Variants in ZNF608 observed in about 807,000 individuals in gnomAD.
ZNF608 encodes the protein zinc finger protein 608, also known as renal carcinoma antigen NY-REN-36.
In ZNF608, 12 loss-of-function variants were observed where a neutral mutation model predicts 109.0. That is an observed-to-expected ratio of 0.11 (90% confidence interval 0.07 to 0.18). The LOEUF (loss-of-function observed/expected upper bound fraction) is 0.18, where lower values mean the gene tolerates loss of function less well. ZNF608 is among the 10% of genes least tolerant of loss of function. The probability of loss-of-function intolerance (pLI) is 1.00; values close to 1 mark genes in which losing one functional copy is unlikely to be tolerated. For synonymous variants in ZNF608, 732 were observed against 717.4 expected (o/e 1.02, Z -0.33); for missense variants, 1,707 against 1,879.3 (o/e 0.91, Z 1.70).
chr5:124,639,199 G>T lies in ZNF608; in HGVS notation c.4466C>A (p.Ala1489Asp). ...YDPFQGLTSA[A>D]LVASQQVAAQ... ...AGCCACCTGCTGAGAGGCAACAAGG[G>T]CAGCAGAGGTCAAGCCTAATGGGGA... Residue 1489 changes from alanine to aspartate, a missense_variant, in exon 9 of 10, where the codon GCC (alanine) becomes GAC (aspartate). By Grantham distance (126) the Ala-to-Asp change is moderately radical. Coordinates refer to ENST00000513986, the MANE Select transcript of ZNF608 (RefSeq NM_020747.3). 6.2e-7 allele frequency: 1 copy of T among 1,614,198 alleles called. No homozygotes were observed. Among genetic ancestry groups the T allele is most frequent in the South Asian group, 1.1e-5 (1 of 91,078 alleles).
rs148145087 is a variant in ZNF608 at position 124,730,773 on chromosome 5, T to C, written c.906+13311A>G. Among the ~76,000 whole-genome samples, 43 of 152,300 alleles carry C rather than the reference T, an allele frequency of 2.8e-4. No individual in the cohort carries two copies. The East Asian group carries it at 7.9e-3, about 28-fold the overall frequency. On this transcript the variant is annotated intron_variant, in intron 2 of 9. Coordinates refer to ENST00000513986, the MANE Select transcript of ZNF608 (RefSeq NM_020747.3). ...GAGAAGCAAGAGACAAGAACTCTTG[T>C]TAATATTAAATTGTGAGGGGCCGAA... is the stretch of plus-strand genomic sequence containing the variant.
intron 3 of ZNF608, among the ~76,000 whole-genome samples, chr5:124,696,473 AT>A (rs1030753002): frequency 5.1e-4 from 78 of 152,126 alleles, no homozygotes; most frequent in African/African-American, 1.8e-3. Context: ...CCTTAATACT[AT>A]GGGGTTCTGA....
chr5:124,746,598 T>G lies in ZNF608; in HGVS notation c.-587A>C. Reference sequence around the variant, plus strand: ...CAGACTTCAGAGTCACCGTGATCAGTAATGATCCCATGTAGCAAACCTACA... The same window carrying G: ...CAGACTTCAGAGTCACCGTGATCAGGAATGATCCCATGTAGCAAACCTACA... On this transcript the variant is annotated 5_prime_UTR_variant, in exon 1 of 10. Transcript: ENST00000513986. 1 of 985,412 alleles carries G rather than the reference T, an allele frequency of 1.0e-6. No individual in the cohort carries two copies. The highest frequency in any genetic ancestry group is 1.2e-6 in the Non-Finnish European group (1 of 829,928). The allele number at this position is 985,412 out of a possible 1,614,324, so 61.0% of individuals were successfully genotyped here.
intron 3 of ZNF608, among the ~76,000 whole-genome samples, chr5:124,651,129 A>T (rs1328993501): frequency 6.6e-6 from 1 of 152,242 alleles, no homozygotes; most frequent in African/African-American, 2.4e-5. Flanking sequence ...GCTAGGATGG[A>T]GCAAAGCAAG....
intron 3 of ZNF608, among the ~76,000 whole-genome samples, chr5:124,663,378 A>C (rs1751356959): frequency 6.6e-6 from 1 of 152,178 alleles, no homozygotes; most frequent in Non-Finnish European, 1.5e-5. Flanking sequence ...TGCTCACTGC[A>C]GTGGGGACCC....
At chr5:124,669,419 C>T (rs1050205532) in intron 3 of ZNF608, among the ~76,000 whole-genome samples, 3 of 152,150 alleles carry the variant, frequency 2.0e-5, no homozygotes, top group Admixed American at 6.6e-5. Context: ...CACCACACGG[C>T]CTGCTCTCAT....
In ZNF608 at chr5:124,649,152, G is replaced by T. The variant is rs1389704658; in HGVS notation, c.1251-19C>A. The T allele has an allele frequency of 6.5e-7, 1 of 1,530,486 alleles. No individual in the cohort carries two copies. The highest frequency in any genetic ancestry group is 8.7e-7 in the Non-Finnish European group (1 of 1,143,010). The allele number at this position is 1,530,486 out of a possible 1,614,324, so 94.8% of individuals were successfully genotyped here. A position where few individuals can be genotyped will look rare whatever the true frequency, so the allele number is the denominator to read the frequency against. On this transcript the variant is annotated intron_variant, in intron 4 of 9. Transcript: ENST00000513986. The stretch of plus-strand genomic sequence containing the variant: ...ACAAAACCTATGGAAGCAAGTAACA[G>T]ATGTGAAAATGAGCATCCCCAAAAG...
At chr5:124,701,290 C>G (rs762432302) in intron 2 of ZNF608, 21 bp from the exon 3 acceptor site, 1 of 1,613,044 alleles carries the variant, frequency 6.2e-7, no homozygotes, top group East Asian at 2.2e-5. Flanking sequence ...GACAGGCTTA[C>G]TGCAGTAGTG....
chr5:124,706,917 G>C (rs1225510001), intron 2 of ZNF608, among the ~76,000 whole-genome samples: 2 of 150,964 alleles, frequency 1.3e-5, no homozygotes, highest in African/African-American at 2.5e-5. Context: ...GAGCATGGGA[G>C]GGGGAGCAGG....
At chr5:124,719,890 C>A (rs1330038244) in intron 2 of ZNF608, among the ~76,000 whole-genome samples, 1 of 152,192 alleles carries the variant, frequency 6.6e-6, no homozygotes. Context: ...CATTACAATG[C>A]ATACTCAATA....
At position 124,745,099 on chromosome 5, in the gene ZNF608, A is replaced by T; in HGVS notation, c.-110T>A. ...CTCTCAAAGAAAAAAAAAATCTTCTAATCTTCCTCTTCTTTTTCCTGCCCC... is the reference window on the plus strand; with the variant it reads ...CTCTCAAAGAAAAAAAAAATCTTCTTATCTTCCTCTTCTTTTTCCTGCCCC... On this transcript the variant is annotated 5_prime_UTR_variant, in exon 2 of 10. Transcript: ENST00000513986. The T allele has an allele frequency of 2.1e-6, 3 of 1,461,486 alleles. No homozygotes were observed. Among genetic ancestry groups the T allele is most frequent in the South Asian group, 1.5e-5 (1 of 67,776 alleles). The allele number at this position is 1,461,486 out of a possible 1,614,324, so 90.5% of individuals were successfully genotyped here.
rs10666145 is a variant in ZNF608 at position 124,690,954 on chromosome 5, C to CAA, written c.1162+10059_1162+10060insTT. Among the ~76,000 whole-genome samples the CAA allele has an allele frequency of 7.3e-5, 11 of 150,840 alleles. No homozygotes were observed. In the East Asian group the frequency reaches 9.7e-4, roughly 13 times the overall value. ...ACACACACACACACACACACACACA[C>CAA]ATAATGGAAAAGTGTGCAAAATTTT... On this transcript the variant is annotated intron_variant, in intron 3 of 9. Transcript: ENST00000513986.
intron 2 of ZNF608, among the ~76,000 whole-genome samples, chr5:124,726,976 C>T (rs1437364988): frequency 1.3e-5 from 2 of 152,232 alleles, no homozygotes; most frequent in Non-Finnish European, 2.9e-5. Context: ...GCATCAGTTG[C>T]TGTATCTGCT....
At chr5:124,746,804 G>A (rs929171417), upstream of ZNF608, 7 of 984,818 alleles carry the variant, frequency 7.1e-6, no homozygotes, top group African/African-American at 1.1e-4. Flanking sequence ...GAAAAGGAGG[G>A]GGGGAGTAGA....
intron 6 of ZNF608, 77 bp from the exon 7 acceptor site, chr5:124,643,760 G>C: frequency 6.8e-7 from 1 of 1,468,768 alleles, no homozygotes; most frequent in East Asian, 2.3e-5. Context: ...ACATGAATTT[G>C]GGATAAGAGT....
intron 2 of ZNF608, among the ~76,000 whole-genome samples, chr5:124,730,912 G>C (rs1466383898): frequency 2.6e-5 from 4 of 152,206 alleles, no homozygotes; most frequent in Non-Finnish European, 4.4e-5. Flanking sequence ...CATTCATAGA[G>C]TGGAGGCACT....
chr5:124,729,987 C>T (rs1748819844), intron 2 of ZNF608, among the ~76,000 whole-genome samples: 1 of 152,238 alleles, frequency 6.6e-6, no homozygotes, highest in Non-Finnish European at 1.5e-5. Flanking sequence ...AACTACACCT[C>T]ACTGCACAGA....
At chr5:124,712,207 G>C (rs1004947572) in intron 2 of ZNF608, among the ~76,000 whole-genome samples, 2 of 152,060 alleles carry the variant, frequency 1.3e-5, no homozygotes, top group Non-Finnish European at 2.9e-5. Flanking sequence ...GTGGTGGGGT[G>C]GGGGGATAGG....
intron 4 of ZNF608, 65 bp from the exon 5 acceptor site, chr5:124,649,198 T>C (rs77129503): frequency 0.027 from 37,535 of 1,369,134 alleles, 827 homozygotes; most frequent in South Asian, 0.089. Flanking sequence ...AATCACAAAG[T>C]ACACAATGCA....
Sources: allele counts gnomAD v4.1 joint callset (sites outside exome capture counted in the v4.1 genomes callset), GRCh38; gene constraint gnomAD v4.1.1; transcripts MANE v1.5; gene names NCBI Gene and HGNC (gene_info 2026-07-23, HGNC 2026-07-21).